The following TSPAN12 variants were observed in gnomAD, a reference collection of about 807,000 sequenced individuals.
The protein encoded by TSPAN12 is tetraspanin 12, also known as tetraspanin-12.
Under a neutral mutation model 39.2 loss-of-function variants are expected in TSPAN12, and 19 were observed. The observed-to-expected ratio is 0.49, with a 90% CI of 0.34 to 0.71. The LOEUF is 0.71. TSPAN12 is among the 30% of genes least tolerant of loss of function. The probability of loss-of-function intolerance (pLI) is 0.01; values close to 1 mark genes in which losing one functional copy is unlikely to be tolerated. For synonymous variants in TSPAN12, 119 were observed against 124.8 expected (o/e 0.95, Z 0.31); for missense variants, 314 against 359.9 (o/e 0.87, Z 1.03).
At chr7:120,803,109 G>C (rs1793805917) in intron 7 of TSPAN12, among the ~76,000 whole-genome samples, 1 of 152,094 alleles carries the variant, frequency 6.6e-6, no homozygotes, top group African/African-American at 2.4e-5. Flanking sequence ...ATGGTTATCT[G>C]ACCTTGACTT....
At chr7:120,820,633 T>C (rs1373956496) in intron 4 of TSPAN12, among the ~76,000 whole-genome samples, 1 of 152,176 alleles carries the variant, frequency 6.6e-6, no homozygotes, top group Non-Finnish European at 1.5e-5. Flanking sequence ...TTGGCTGTCC[T>C]ACTCATAAGT....
chr7:120,849,920 A>G (rs1442123523), intron 2 of TSPAN12, among the ~76,000 whole-genome samples: 1 of 152,162 alleles, frequency 6.6e-6, no homozygotes, highest in Non-Finnish European at 1.5e-5. Context: ...TAAAAGTAAG[A>G]TCAAGCCTTG....
At chr7:120,804,699 T>G (rs972811989) in intron 7 of TSPAN12, among the ~76,000 whole-genome samples, 20 of 152,140 alleles carry the variant, frequency 1.3e-4, no homozygotes, top group African/African-American at 4.6e-4. Flanking sequence ...TTAAAGAGCT[T>G]AGTACCTCAG....
At chr7:120,836,659 T>C (rs1009766682) in intron 4 of TSPAN12, among the ~76,000 whole-genome samples, 1 of 152,170 alleles carries the variant, frequency 6.6e-6, no homozygotes, top group African/African-American at 2.4e-5. Context: ...ATTGGTGGTA[T>C]ACATGATCAG....
At chr7:120,812,459 C>G (rs1238322358) in intron 5 of TSPAN12, among the ~76,000 whole-genome samples, 1 of 152,124 alleles carries the variant, frequency 6.6e-6, no homozygotes, top group East Asian at 1.9e-4. Context: ...AAAAGGGAGA[C>G]ATGAGCAAAT....
At chr7:120,826,706 T>G (rs1194921438) in intron 4 of TSPAN12, among the ~76,000 whole-genome samples, 1 of 152,084 alleles carries the variant, frequency 6.6e-6, no homozygotes, top group Non-Finnish European at 1.5e-5. Flanking sequence ...GAGTTCACTA[T>G]AGTCAGCATC....
chr7:120,815,765 C>A lies in TSPAN12; in HGVS notation c.324G>T (p.Leu108=). 6.2e-7 allele frequency: 1 copy of A among 1,612,302 alleles called. No homozygotes were observed. Among genetic ancestry groups the A allele is most frequent in the South Asian group, 1.1e-5 (1 of 90,966 alleles). The change falls in exon 5 of 8, where the codon CTG becomes CTT. Residue 108 remains leucine (L), a synonymous_variant. Coordinates refer to ENST00000222747, the MANE Select transcript of TSPAN12 (RefSeq NM_012338.4). ...GTTCATATGTCCAAACGCCACAAGCCAGTTCTACACAGAAAATGACAAGCA... is the reference window on the plus strand; with the variant it reads ...GTTCATATGTCCAAACGCCACAAGCAAGTTCTACACAGAAAATGACAAGCA... ...GSLLVIFCVE[L]ACGVWTYEQE...
At chr7:120,807,250 CTGAG>C (rs1178267283) in intron 6 of TSPAN12, among the ~76,000 whole-genome samples, 2 of 152,086 alleles carry the variant, frequency 1.3e-5, no homozygotes, top group East Asian at 1.9e-4. Flanking sequence ...GTTTATTCAA[CTGAG>C]TAAGATTCTT....
intron 2 of TSPAN12, among the ~76,000 whole-genome samples, chr7:120,848,586 T>C (rs74737619): frequency 1.3e-5 from 2 of 152,302 alleles, no homozygotes; most frequent in African/African-American, 4.8e-5. Flanking sequence ...GGCTAAAGTG[T>C]TCTCAAAAGT....
chr7:120,851,730 C>T (rs966267851), intron 2 of TSPAN12, among the ~76,000 whole-genome samples: 27 of 152,170 alleles, frequency 1.8e-4, no homozygotes, highest in African/African-American at 6.3e-4. Context: ...CACGTCCTTA[C>T]TCCACCATGG....
At chr7:120,799,817 T>G (rs1400705528) in intron 7 of TSPAN12, among the ~76,000 whole-genome samples, 1 of 138,226 alleles carries the variant, frequency 7.2e-6, no homozygotes, top group Non-Finnish European at 1.5e-5. Flanking sequence ...ATTATATTTA[T>G]TTTAATATAT....
chr7:120,819,893 A>G (rs371682011), intron 4 of TSPAN12, among the ~76,000 whole-genome samples: 5 of 152,274 alleles, frequency 3.3e-5, no homozygotes, highest in African/African-American at 9.6e-5. Context: ...AAGCATCTAT[A>G]AAGCATGATG....
chr7:120,792,503 G>T, intron 7 of TSPAN12, among the ~76,000 whole-genome samples: 1 of 151,198 alleles, frequency 6.6e-6, no homozygotes, highest in African/African-American at 2.5e-5. Context: ...ATAGGGCTGT[G>T]CTTAGGTTCA....
chr7:120,792,206 C>T (rs971572520), intron 7 of TSPAN12, among the ~76,000 whole-genome samples: 4 of 152,134 alleles, frequency 2.6e-5, no homozygotes, highest in East Asian at 3.9e-4. Context: ...CACCAGAGGG[C>T]GCAGAATGGG....
intron 2 of TSPAN12, among the ~76,000 whole-genome samples, chr7:120,844,136 C>T (rs1285188034): frequency 2.0e-5 from 3 of 152,032 alleles, no homozygotes; most frequent in Non-Finnish European, 4.4e-5. Flanking sequence ...ACAACCAGAC[C>T]TCTTGAGAAC....
intron 4 of TSPAN12, among the ~76,000 whole-genome samples, chr7:120,816,995 A>C (rs1258155010): frequency 6.6e-6 from 1 of 152,178 alleles, no homozygotes; most frequent in East Asian, 1.9e-4. Context: ...CAAAGCAGAT[A>C]AATTGTCAGG....
intron 4 of TSPAN12, among the ~76,000 whole-genome samples, chr7:120,823,112 T>A (rs1794218726): frequency 1.3e-5 from 2 of 152,050 alleles, no homozygotes; most frequent in African/African-American, 4.8e-5. Flanking sequence ...GAAGACATGC[T>A]TCCTAAAATG....
chr7:120,787,625 G>T lies in TSPAN12; in HGVS notation c.*967C>A, dbSNP rs912184080. 6 of 152,212 alleles carry T rather than the reference G, an allele frequency of 3.9e-5. No individual in the cohort carries two copies. The highest frequency in any genetic ancestry group is 8.8e-5 in the Non-Finnish European group (6 of 67,970). The allele number at this position is 152,212 out of a possible 1,614,324, so 9.4% of individuals were successfully genotyped here. A position where few individuals can be genotyped will look rare whatever the true frequency, so the allele number is the denominator to read the frequency against. On this transcript the variant is annotated 3_prime_UTR_variant, in exon 8 of 8. Coordinates refer to ENST00000222747, the MANE Select transcript of TSPAN12 (RefSeq NM_012338.4). ...GACTATTGCTTCTTGTTTGGAGAAG[G>T]CAAAGATAAGCTTTTTAAAAAGTGT... is the stretch of plus-strand genomic sequence containing the variant.
At chr7:120,795,820 T>C (rs1251733327) in intron 7 of TSPAN12, among the ~76,000 whole-genome samples, 2 of 152,310 alleles carry the variant, frequency 1.3e-5, no homozygotes, top group Non-Finnish European at 2.9e-5. Flanking sequence ...AGGGAAATAA[T>C]GCTTCCTTTA....
Sources: allele counts gnomAD v4.1 joint callset (sites outside exome capture counted in the v4.1 genomes callset), GRCh38; gene constraint gnomAD v4.1.1; transcripts MANE v1.5; gene names NCBI Gene and HGNC (gene_info 2026-07-23, HGNC 2026-07-21).